The following SLC35B1 variants were observed in gnomAD, a reference collection of about 807,000 sequenced individuals.
SLC35B1 encodes solute carrier family 35 member B1.
SLC35B1 carries 27 observed loss-of-function variants against 36.6 expected under a neutral mutation model. The ratio of observed to expected loss-of-function variants is 0.74; its 90% CI spans 0.54 to 1.02. The LOEUF is 1.02. Among genes scored for constraint, SLC35B1 ranks in the 50% least tolerant of loss-of-function variants. The pLI, the probability that SLC35B1 is intolerant of heterozygous loss-of-function variation, is 0.00. For missense variants in SLC35B1, 321 were observed against 383.2 expected (o/e 0.84, Z 1.35); for synonymous variants, 162 against 152.5 (o/e 1.06, Z -0.46).
chr17:49,703,615 G>A (rs1274958895), intron 6 of SLC35B1: 4 of 355,148 alleles, frequency 1.1e-5, no homozygotes, highest in African/African-American at 8.4e-5. Context: ...TTAGCTCAAG[G>A]AAGCCCCTCG....
rs1489927238 is a variant in SLC35B1 at position 49,707,925 on chromosome 17, A to G, written c.-92T>C. 6.4e-7 allele frequency: 1 copy of G among 1,569,842 alleles called. No homozygotes were observed. Among genetic ancestry groups the G allele is most frequent in the Admixed American group, 1.9e-5 (1 of 52,048 alleles). On this transcript the variant is annotated 5_prime_UTR_variant, in exon 1 of 9. Transcript: ENST00000240333. Reference sequence around the variant, plus strand: ...CGACAGCTCCAGCCGGACATCGCCGACCGGCGGCAGGGGCCTCATAGGAGC... The same window carrying G: ...CGACAGCTCCAGCCGGACATCGCCGGCCGGCGGCAGGGGCCTCATAGGAGC...
upstream of SLC35B1, chr17:49,708,096 C>G (rs1168056891): frequency 1.4e-6 from 1 of 736,882 alleles, no homozygotes; most frequent in African/African-American, 1.7e-5. Flanking sequence ...TCCCTGAGGG[C>G]CAGGGGAACC....
At chr17:49,706,867 T>G in intron 2 of SLC35B1, 98 bp downstream of exon 2, 4 of 835,852 alleles carry the variant, frequency 4.8e-6, no homozygotes, top group Non-Finnish European at 8.2e-6. Context: ...GTGGAGATCA[T>G]GAGTTAGCCT....
intron 8 of SLC35B1, chr17:49,702,562 A>G (rs1330259077): frequency 4.0e-6 from 1 of 252,900 alleles, no homozygotes; most frequent in Non-Finnish European, 7.8e-6. Context: ...GAGAAACCCC[A>G]TCTCTACTAA....
At chr17:49,706,362 A>G (rs78612388) in intron 2 of SLC35B1, 28 bp from the exon 3 acceptor site, 22 of 1,096,496 alleles carry the variant, frequency 2.0e-5, no homozygotes, top group African/African-American at 1.0e-4. Context: ...AAAAAAAAAA[A>G]AAAGAAAAGA....
At chr17:49,706,041 A>T in intron 3 of SLC35B1, 145 bp from the exon 4 acceptor site, 1 of 1,274,160 alleles carries the variant, frequency 7.8e-7, no homozygotes, top group Non-Finnish European at 1.1e-6. Flanking sequence ...GGCCCAACCC[A>T]CCACCACTAA....
chr17:49,707,446 T>C lies in SLC35B1; in HGVS notation c.104+284A>G, dbSNP rs1465241444. 11 of 1,464,660 alleles carry C rather than the reference T, an allele frequency of 7.5e-6. No individual in the cohort carries two copies. In the African/African-American group the frequency reaches 1.5e-4, roughly 20 times the overall value. 90.7% of individuals were successfully genotyped at this position (1,464,660 alleles called of 1,614,324 possible). The stretch of plus-strand genomic sequence containing the variant: ...ACCAAAAGGGGGCCGACTCGGGTCC[T>C]GTTTGAGGAATAGAAGTCTCAGCCT... On this transcript the variant is annotated intron_variant, in intron 1 of 8. Coordinates refer to ENST00000240333, the MANE Select transcript of SLC35B1 (RefSeq NM_005827.4).
At chr17:49,708,133 C>T, upstream of SLC35B1, 1 of 700,744 alleles carries the variant, frequency 1.4e-6, no homozygotes, top group Non-Finnish European at 2.6e-6. Context: ...ATCCCTCGCC[C>T]TGGAGATTTT....
Position 49,703,426 on chromosome 17 carries a change from G to C in SLC35B1, c.656-132C>G, listed in dbSNP as rs551022447. On this transcript the variant is annotated intron_variant, in intron 6 of 8. Coordinates refer to ENST00000240333, the MANE Select transcript of SLC35B1 (RefSeq NM_005827.4). ...AAGAACTGCAAGGGAGGTGGGACGC[G>C]GGAAAGTGTATGGTGTGGGTTTGCA... The C allele has an allele frequency of 1.6e-5, 11 of 675,150 alleles. No homozygotes were observed. In the Admixed American group the frequency reaches 1.9e-4, roughly 11 times the overall value. 41.8% of individuals were successfully genotyped at this position (675,150 alleles called of 1,614,324 possible). A position where few individuals can be genotyped will look rare whatever the true frequency, so the allele number is the denominator to read the frequency against.
chr17:49,703,498 C>T, intron 6 of SLC35B1: 1 of 505,592 alleles, frequency 2.0e-6, no homozygotes, highest in Non-Finnish European at 3.6e-6. Flanking sequence ...ATTAGAGAAA[C>T]TAAAGAGAAT....
chr17:49,701,553 T>G, intron 8 of SLC35B1, 43 bp from the exon 9 acceptor site: 1 of 1,562,336 alleles, frequency 6.4e-7, no homozygotes. Flanking sequence ...TGGGGGGAAA[T>G]GAAACTTACC....
Position 49,707,853 on chromosome 17 carries a change from A to G in SLC35B1, c.-20T>C, listed in dbSNP as rs2073440858. On this transcript the variant is annotated 5_prime_UTR_variant, in exon 1 of 9. Coordinates refer to ENST00000240333, the MANE Select transcript of SLC35B1 (RefSeq NM_005827.4). ...GGCCATGAGACGCCCAGAGGAGCCG[A>G]CTGGAGACCCGCTCACAACCGGCAC... The G allele has an allele frequency of 1.2e-6, 2 of 1,611,076 alleles. No homozygotes were observed. The highest frequency in any genetic ancestry group is 1.7e-6 in the Non-Finnish European group (2 of 1,179,468).
At chr17:49,705,608 T>A (rs2073406094) in intron 4 of SLC35B1, 1 of 596,240 alleles carries the variant, frequency 1.7e-6, no homozygotes, top group African/African-American at 1.9e-5. Context: ...AATGACAATA[T>A]AAACACATGC....
chr17:49,705,407 G>A lies in SLC35B1; in HGVS notation c.371-126C>T, dbSNP rs1200299077. The A allele has an allele frequency of 6.1e-6, 6 of 991,734 alleles. No homozygotes were observed. In the South Asian group the frequency reaches 1.0e-4, roughly 17 times the overall value. 61.4% of individuals were successfully genotyped at this position (991,734 alleles called of 1,614,324 possible). Reference sequence around the variant, plus strand: ...GAATGACTGAGAAGGAAGGCTTAGAGAGGACAAAAGGAGGGTGCCAGGCTG... The same window carrying A: ...GAATGACTGAGAAGGAAGGCTTAGAAAGGACAAAAGGAGGGTGCCAGGCTG... On this transcript the variant is annotated intron_variant, in intron 4 of 8. Coordinates refer to ENST00000240333, the MANE Select transcript of SLC35B1 (RefSeq NM_005827.4).
chr17:49,703,108 T>C, intron 7 of SLC35B1, 80 bp downstream of exon 7: 2 of 1,592,616 alleles, frequency 1.3e-6, no homozygotes, highest in South Asian at 2.2e-5. Context: ...TGCCACCCTC[T>C]TCTTCCAGCC....
rs2143657150 is a variant in SLC35B1, at chr17:49,705,153, G to A, written c.499C>T (p.His167Tyr). Residue 167 changes from histidine to tyrosine, a missense_variant, in exon 5 of 9, where the codon CAC becomes TAC. Coordinates refer to ENST00000240333, the MANE Select transcript of SLC35B1 (RefSeq NM_005827.4). ...KPKKVVGIEE[H>Y]TVGYGELLLL... is the part of the protein sequence containing the mutation. ...AGTAGCTCTCCATAGCCGACTGTGT[G>A]TTCTTCTATCCCAACAACTTTCTTG... 2 of 1,614,138 alleles carry A rather than the reference G, an allele frequency of 1.2e-6. No homozygotes were observed. Among genetic ancestry groups the A allele is most frequent in the Non-Finnish European group, 1.7e-6 (2 of 1,180,018 alleles).
intron 2 of SLC35B1, 43 bp from the exon 3 acceptor site, chr17:49,706,377 A>AAAAC: frequency 1.2e-6 from 1 of 838,176 alleles, no homozygotes; most frequent in Non-Finnish European, 1.6e-6. Context: ...AAAAGAAAAG[A>AAAAC]AAAAAAAAAA....
chr17:49,705,723 T>C (rs1266536028), intron 4 of SLC35B1, 143 bp downstream of exon 4: 7 of 785,122 alleles, frequency 8.9e-6, no homozygotes, highest in Non-Finnish European at 1.6e-5. Flanking sequence ...GATGACAGGA[T>C]GGGCAGCAGG....
chr17:49,706,368 A>G, intron 2 of SLC35B1, 34 bp from the exon 3 acceptor site: 1 of 1,199,898 alleles, frequency 8.3e-7, no homozygotes, highest in Non-Finnish European at 1.1e-6. Context: ...AAAAAAAAGA[A>G]AAGAAAAGAA....
Sources: allele counts gnomAD v4.1 joint callset, GRCh38; gene constraint gnomAD v4.1.1; transcripts MANE v1.5; gene names NCBI Gene and HGNC (gene_info 2026-07-23, HGNC 2026-07-21).